ADAP2: variants seen among roughly 807,000 people sequenced by gnomAD.
ADAP2 encodes arf-GAP with dual PH domain-containing protein 2.
Under a neutral mutation model 54.9 loss-of-function variants are expected in ADAP2, and 42 were observed. That is an observed-to-expected ratio of 0.77 (90% CI 0.60 to 0.99). The LOEUF is 0.99. ADAP2 is among the 50% of genes least tolerant of loss of function. The pLI, the probability that ADAP2 is intolerant of heterozygous loss-of-function variation, is 0.00. For missense variants in ADAP2, 429 were observed against 480.4 expected (o/e 0.89, Z 1.00); for synonymous variants, 177 against 180.1 (o/e 0.98, Z 0.14).
At chr17:30,929,157 C>T (rs879786862) in intron 3 of ADAP2, among the ~76,000 whole-genome samples, 2 of 152,304 alleles carry the variant, frequency 1.3e-5, no homozygotes, top group East Asian at 1.9e-4. Context: ...GCTGGGAGGA[C>T]GTGGGCAAGT....
intron 9 of ADAP2, 80 bp downstream of exon 9, chr17:30,954,635 A>G: frequency 8.6e-7 from 1 of 1,160,108 alleles, no homozygotes; most frequent in Non-Finnish European, 1.3e-6. Context: ...TGTGAAAGCT[A>G]CAGATAAACA....
intron 9 of ADAP2, 77 bp downstream of exon 9, chr17:30,954,632 G>A (rs1904924832): frequency 1.6e-6 from 2 of 1,264,308 alleles, no homozygotes; most frequent in Non-Finnish European, 2.3e-6. Flanking sequence ...CTATGTGAAA[G>A]CTACAGATAA....
intron 3 of ADAP2, 34 bp downstream of exon 3, chr17:30,926,952 G>A (rs751553076): frequency 1.3e-6 from 2 of 1,517,676 alleles, no homozygotes; most frequent in South Asian, 2.3e-5. Flanking sequence ...CTGGGTGAGG[G>A]GTCTGTCCTG....
chr17:30,924,090 T>G (rs1910850676), intron 2 of ADAP2, among the ~76,000 whole-genome samples: 1 of 152,118 alleles, frequency 6.6e-6, no homozygotes, highest in South Asian at 2.1e-4. Flanking sequence ...CAGTTGCTGT[T>G]GTACGGGTGT....
At chr17:30,934,504 A>G (rs953826230) in intron 5 of ADAP2, among the ~76,000 whole-genome samples, 4 of 152,212 alleles carry the variant, frequency 2.6e-5, no homozygotes, top group African/African-American at 9.6e-5. Context: ...CAGCTTAGAT[A>G]GGTCCATGTT....
rs1213018832 is a variant in ADAP2, at chr17:30,958,532, A to G, written c.*663A>G. 1 of 152,364 alleles carries G rather than the reference A, an allele frequency of 6.6e-6. No homozygotes were observed. The highest frequency in any genetic ancestry group is 1.5e-5 in the Non-Finnish European group (1 of 68,158). The allele number at this position is 152,364 out of a possible 1,614,324, so 9.4% of individuals were successfully genotyped here. Reference sequence around the variant, plus strand: ...CTCTGTCTTCAAGCACCACGCAGAAATACACTGGATGTTCTCTCTTTGCTT... The same window carrying G: ...CTCTGTCTTCAAGCACCACGCAGAAGTACACTGGATGTTCTCTCTTTGCTT... On this transcript the variant is annotated 3_prime_UTR_variant, in exon 11 of 11. Coordinates refer to ENST00000330889, the MANE Select transcript of ADAP2 (RefSeq NM_018404.3).
intron 6 of ADAP2, among the ~76,000 whole-genome samples, chr17:30,948,718 C>A (rs1041623974): frequency 5.3e-5 from 8 of 152,190 alleles, no homozygotes; most frequent in African/African-American, 1.9e-4. Context: ...CTCAGAGTGA[C>A]AGCAGAAGGG....
chr17:30,954,947 C>A (rs147432966), intron 9 of ADAP2, among the ~76,000 whole-genome samples: 1 of 152,060 alleles, frequency 6.6e-6, no homozygotes, highest in Non-Finnish European at 1.5e-5. Flanking sequence ...TGCCTTGAGC[C>A]GTGTACTTAG....
At chr17:30,924,034 A>G (rs899885758) in intron 2 of ADAP2, among the ~76,000 whole-genome samples, 3 of 152,090 alleles carry the variant, frequency 2.0e-5, no homozygotes, top group East Asian at 1.9e-4. Context: ...ACTGTTGTGA[A>G]GATGATTGTA....
intron 5 of ADAP2, among the ~76,000 whole-genome samples, chr17:30,938,189 T>C (rs1429145601): frequency 6.6e-6 from 1 of 152,256 alleles, no homozygotes; most frequent in African/African-American, 2.4e-5. Context: ...CCTCGGCTGT[T>C]CTGGTGTACT....
chr17:30,949,240 A>AC, intron 6 of ADAP2, 47 bp from the exon 7 acceptor site: 1 of 1,496,138 alleles, frequency 6.7e-7, no homozygotes, highest in Non-Finnish European at 9.3e-7. Flanking sequence ...CTTCCCACCC[A>AC]CCCCATCTCA....
intron 9 of ADAP2, 62 bp from the exon 10 acceptor site, chr17:30,956,179 G>T (rs1905050690): frequency 2.7e-6 from 4 of 1,499,884 alleles, no homozygotes; most frequent in Non-Finnish European, 3.7e-6. Context: ...GAGGCTGTCA[G>T]GGCTGCAGGG....
Position 30,922,962 on chromosome 17 carries a change from G to A in ADAP2, c.117G>A (p.Lys39=), listed in dbSNP as rs1910749766. 2 of 1,613,940 alleles carry A rather than the reference G, an allele frequency of 1.2e-6. No homozygotes were observed. Among genetic ancestry groups the A allele is most frequent in the Non-Finnish European group, 8.5e-7 (1 of 1,179,972 alleles). ...CAGATCCCGACTGGGCCTCTTACAA[G>A]CTGGGGATCTTCATCTGTCTCAACT... ...GAADPDWASY[K]LGIFICLNCC... Residue 39 remains lysine (K), a synonymous_variant, in exon 2 of 11, where the codon AAG becomes AAA. Transcript: ENST00000330889.
At chr17:30,929,509 C>T (rs1008014639) in intron 3 of ADAP2, among the ~76,000 whole-genome samples, 3 of 152,176 alleles carry the variant, frequency 2.0e-5, no homozygotes, top group African/African-American at 7.2e-5. Flanking sequence ...CAGCCCTGCA[C>T]TTTAACCCTT....
intron 3 of ADAP2, among the ~76,000 whole-genome samples, chr17:30,929,983 C>G (rs1310051891): frequency 6.6e-6 from 1 of 152,088 alleles, no homozygotes; most frequent in Non-Finnish European, 1.5e-5. Context: ...TCCCAAAGTG[C>G]TGGGATTACA....
intron 3 of ADAP2, among the ~76,000 whole-genome samples, chr17:30,930,497 G>T (rs1160332376): frequency 6.6e-6 from 1 of 152,188 alleles, no homozygotes; most frequent in Non-Finnish European, 1.5e-5. Flanking sequence ...ACACCATCAG[G>T]TCTCTCATAC....
intron 5 of ADAP2, among the ~76,000 whole-genome samples, chr17:30,941,699 T>C (rs1010527052): frequency 1.7e-4 from 26 of 152,126 alleles, no homozygotes; most frequent in African/African-American, 2.4e-5. Flanking sequence ...TGTATAAGAG[T>C]ATTATATGAT....
At chr17:30,948,250 C>T (rs1451037511) in intron 6 of ADAP2, among the ~76,000 whole-genome samples, 2 of 151,998 alleles carry the variant, frequency 1.3e-5, no homozygotes, top group African/African-American at 2.4e-5. Context: ...GACAGGACTC[C>T]AAGCCAGACT....
At chr17:30,927,466 T>C (rs1036867310) in intron 3 of ADAP2, among the ~76,000 whole-genome samples, 2 of 151,198 alleles carry the variant, frequency 1.3e-5, no homozygotes, top group African/African-American at 2.4e-5. Flanking sequence ...ACAAAAAAAA[T>C]TTAGCCGGGC....
Sources: allele counts gnomAD v4.1 joint callset (sites outside exome capture counted in the v4.1 genomes callset), GRCh38; gene constraint gnomAD v4.1.1; transcripts MANE v1.5; gene names NCBI Gene and HGNC (gene_info 2026-07-23, HGNC 2026-07-21).